The following CALN1 variants were observed in gnomAD, a reference collection of about 807,000 sequenced individuals.
CALN1 encodes the protein calneuron 1.
In CALN1, 17 loss-of-function variants were observed where a neutral mutation model predicts 30.6. The ratio of observed to expected loss-of-function variants is 0.56; its 90% confidence interval spans 0.38 to 0.83. The LOEUF (loss-of-function observed/expected upper bound fraction) is 0.83. Ranked by LOEUF, CALN1 falls within the 40% of genes least tolerant of loss-of-function variation. CALN1 has a pLI of 0.00. For missense variants in CALN1, 291 were observed against 354.9 expected, an observed-to-expected ratio of 0.82 and a Z score of 1.45; for synonymous variants, 156 against 131.4, an observed-to-expected ratio of 1.19 and a Z score of -1.28.
In CALN1 at chr7:71,826,334, C is replaced by T. The variant is rs532377597; in HGVS notation, c.502-15842G>A. Among the ~76,000 whole-genome samples, 15 of 152,264 alleles carry T rather than the reference C, an allele frequency of 9.9e-5. No individual in the cohort carries two copies. The South Asian group carries it at 1.5e-3, about 15-fold the overall frequency. ...TAACACCCAAACGAAGATTGAGCAC[C>T]TATTGACTCCCACAGTCTAGAAGAA... is the stretch of plus-strand genomic sequence containing the variant. On this transcript the variant is annotated intron_variant, in intron 5 of 6. Transcript: ENST00000395275.
chr7:72,379,719 A>G (rs912936185), intron 2 of CALN1, among the ~76,000 whole-genome samples: 5 of 152,224 alleles, frequency 3.3e-5, no homozygotes, highest in African/African-American at 1.2e-4. Flanking sequence ...TATTTATTGC[A>G]TGTTTCTCAT....
At chr7:72,209,318 C>CTCCT (rs1562740046) in intron 3 of CALN1, among the ~76,000 whole-genome samples, 11 of 49,254 alleles carry the variant, frequency 2.2e-4, no homozygotes, top group African/African-American at 3.1e-4. Flanking sequence ...CCCTCCTTCC[C>CTCCT]TCCTTCCCTC....
chr7:72,211,626 G>C (rs1057087038), intron 3 of CALN1, among the ~76,000 whole-genome samples: 2 of 152,164 alleles, frequency 1.3e-5, no homozygotes, highest in East Asian at 3.9e-4. Context: ...ACAAGGCCTG[G>C]TACATCACGA....
At chr7:72,086,003 G>GA (rs1162909806) in intron 4 of CALN1, among the ~76,000 whole-genome samples, 1 of 151,598 alleles carries the variant, frequency 6.6e-6, no homozygotes, top group Admixed American at 6.6e-5. Context: ...GTCAGGTTAC[G>GA]AAAAAAGAGA....
chr7:71,980,540 A>G (rs1798340647), intron 5 of CALN1, among the ~76,000 whole-genome samples: 1 of 152,164 alleles, frequency 6.6e-6, no homozygotes, highest in Non-Finnish European at 1.5e-5. Context: ...TGTTCCTCAT[A>G]GGGATATAGA....
At chr7:71,830,046 T>TTG (rs1207204885) in intron 5 of CALN1, among the ~76,000 whole-genome samples, 84 of 151,850 alleles carry the variant, frequency 5.5e-4, no homozygotes, top group African/African-American at 2.0e-3. Flanking sequence ...TTTTTTTTTT[T>TTG]TTGTTCTTTT....
chr7:72,222,563 C>T (rs1793384784), intron 3 of CALN1, among the ~76,000 whole-genome samples: 1 of 152,174 alleles, frequency 6.6e-6, no homozygotes, highest in Non-Finnish European at 1.5e-5. Context: ...GGCCCCCCTC[C>T]AACACTGGGG....
intron 3 of CALN1, among the ~76,000 whole-genome samples, chr7:72,156,360 G>A (rs553866697): frequency 1.3e-5 from 2 of 152,214 alleles, no homozygotes; most frequent in Non-Finnish European, 2.9e-5. Context: ...ACAGAATGCT[G>A]TGAAGAGCCC....
At chr7:71,814,592 T>TGGATTTCCTTCTCCCTCTGCCATTCC (rs1562803621) in intron 5 of CALN1, among the ~76,000 whole-genome samples, 1 of 152,154 alleles carries the variant, frequency 6.6e-6, no homozygotes, top group African/African-American at 2.4e-5. Flanking sequence ...CACTTATATG[T>TGGATTTCCTTCTCCCTCTGCCATTCC]GGATTTCCTT....
At chr7:71,944,594 CAAAAAAA>C (rs10677940) in intron 5 of CALN1, among the ~76,000 whole-genome samples, 7 of 60,002 alleles carry the variant, frequency 1.2e-4, no homozygotes, top group African/African-American at 4.0e-4. Context: ...AACTCCATCC[CAAAAAAA>C]AAAAAAAAAA....
intron 2 of CALN1, among the ~76,000 whole-genome samples, chr7:72,319,811 G>A (rs1042696140): frequency 2.0e-5 from 3 of 152,218 alleles, no homozygotes; most frequent in Middle Eastern, 6.8e-3. Flanking sequence ...GTGTACACAC[G>A]GACATAGAGA....
chr7:71,968,413 T>C (rs76862361), intron 5 of CALN1, among the ~76,000 whole-genome samples: 1 of 152,182 alleles, frequency 6.6e-6, no homozygotes, highest in Non-Finnish European at 1.5e-5. Context: ...ACATGAGGCC[T>C]TCTTTGGAGT....
intron 3 of CALN1, among the ~76,000 whole-genome samples, chr7:72,144,787 T>C (rs1280809601): frequency 6.6e-6 from 1 of 152,120 alleles, no homozygotes; most frequent in Non-Finnish European, 1.5e-5. Flanking sequence ...CAGACCACAG[T>C]GCAATCAAAT....
At chr7:71,984,778 T>TA (rs1256229233) in intron 5 of CALN1, among the ~76,000 whole-genome samples, 4 of 152,278 alleles carry the variant, frequency 2.6e-5, no homozygotes, top group East Asian at 1.9e-4. Context: ...AGCATACACT[T>TA]AGAGTAACCC....
chr7:71,789,738 G>C (rs1466977440), intron 6 of CALN1, among the ~76,000 whole-genome samples: 1 of 152,104 alleles, frequency 6.6e-6, no homozygotes, highest in East Asian at 1.9e-4. Context: ...TAACGCCCAT[G>C]AGAAACCATG....
chr7:72,008,919 G>A (rs774163571), intron 5 of CALN1, among the ~76,000 whole-genome samples: 14 of 152,194 alleles, frequency 9.2e-5, no homozygotes, highest in South Asian at 2.1e-4. Context: ...GCCTCCCAAC[G>A]TGCCAGGATT....
chr7:71,898,673 G>A (rs115642973), intron 5 of CALN1, among the ~76,000 whole-genome samples: 45 of 152,214 alleles, frequency 3.0e-4, no homozygotes, highest in African/African-American at 1.1e-3. Flanking sequence ...AACTGGACAC[G>A]TCATAGTAAA....
intron 2 of CALN1, among the ~76,000 whole-genome samples, chr7:72,323,661 C>CA (rs199739156): frequency 0.24 from 23,412 of 95,996 alleles, 3,002 homozygotes; most frequent in East Asian, 0.45. Flanking sequence ...GACTCCATCT[C>CA]AAAAAAAAAA....
intron 1 of CALN1, among the ~76,000 whole-genome samples, chr7:72,404,238 C>T (rs1002303255): frequency 1.3e-5 from 2 of 152,176 alleles, no homozygotes; most frequent in African/African-American, 4.8e-5. Flanking sequence ...AATCTCCATC[C>T]CCTCCTCCCA....
Sources: gnomAD v4.1 joint callset for allele counts (sites outside exome capture counted in the v4.1 genomes callset) on GRCh38, gnomAD v4.1.1 for gene constraint, MANE v1.5 for transcripts, NCBI Gene and HGNC (gene_info 2026-07-23, HGNC 2026-07-21) for gene names.